Variants in SDK1 observed in about 807,000 individuals in gnomAD.
The protein encoded by SDK1 is sidekick cell adhesion molecule 1.
SDK1 carries 157 observed loss-of-function variants against 245.5 expected under a neutral mutation model. The ratio of observed to expected loss-of-function variants is 0.64; its 90% CI spans 0.56 to 0.73. The LOEUF is 0.73. SDK1 is among the 30% of genes least tolerant of loss of function. The pLI is 0.00. For missense variants in SDK1, 3,583 were observed against 3,002.3 expected (o/e 1.19, Z -4.52); for synonymous variants, 1,647 against 1,278.5 (o/e 1.29, Z -6.15).
chr7:4,209,393 C>G (rs1364479686), intron 37 of SDK1, among the ~76,000 whole-genome samples: 1 of 152,208 alleles, frequency 6.6e-6, no homozygotes, highest in Non-Finnish European at 1.5e-5. Flanking sequence ...AGCCCCAGTA[C>G]ACGCCCACCT....
intron 1 of SDK1, among the ~76,000 whole-genome samples, chr7:3,552,430 C>G (rs1426364612): frequency 1.3e-5 from 2 of 152,192 alleles, no homozygotes; most frequent in South Asian, 4.1e-4. Context: ...CTCAGCCACT[C>G]TTTTTGCCAG....
intron 1 of SDK1, among the ~76,000 whole-genome samples, chr7:3,473,683 T>A (rs1024547157): frequency 3.8e-4 from 58 of 152,188 alleles, no homozygotes; most frequent in African/African-American, 1.4e-3. Context: ...AATTATTTTT[T>A]TTTTTCCATT....
intron 1 of SDK1, among the ~76,000 whole-genome samples, chr7:3,524,122 T>C (rs1783037125): frequency 1.3e-5 from 2 of 151,972 alleles, no homozygotes. Context: ...AGGAAGGGAG[T>C]TAACTAAGTG....
At chr7:4,182,845 C>G (rs150959067) in intron 35 of SDK1, among the ~76,000 whole-genome samples, 1 of 152,156 alleles carries the variant, frequency 6.6e-6, no homozygotes, top group South Asian at 2.1e-4. Context: ...TGCCAGGAGC[C>G]GGGGTTCACA....
intron 25 of SDK1, among the ~76,000 whole-genome samples, chr7:4,120,161 C>G (rs993039394): frequency 1.3e-5 from 2 of 148,204 alleles, no homozygotes; most frequent in African/African-American, 4.9e-5. Context: ...TGAGATCTAC[C>G]ACATAGCTAA....
chr7:4,183,642 A>G (rs1476492657), intron 35 of SDK1, among the ~76,000 whole-genome samples: 1 of 133,860 alleles, frequency 7.5e-6, no homozygotes, highest in African/African-American at 3.0e-5. Flanking sequence ...CTCCGTCTCA[A>G]AAAAAAAAAA....
chr7:3,625,717 C>T (rs1383860606), intron 2 of SDK1, among the ~76,000 whole-genome samples: 2 of 152,118 alleles, frequency 1.3e-5, no homozygotes, highest in African/African-American at 4.8e-5. Flanking sequence ...TGGTTATTAG[C>T]CTTCATTTCT....
intron 16 of SDK1, 49 bp downstream of exon 16, chr7:4,012,284 G>C (rs374313852): frequency 7.0e-7 from 1 of 1,430,690 alleles, no homozygotes. Flanking sequence ...AGAGTTGAGC[G>C]TCGATTTCAC....
chr7:3,644,582 A>G (rs1032786215), intron 4 of SDK1, among the ~76,000 whole-genome samples: 3 of 151,260 alleles, frequency 2.0e-5, no homozygotes, highest in Admixed American at 6.6e-5. Flanking sequence ...TGGGCAACAT[A>G]CTGAAACCTT....
intron 1 of SDK1, among the ~76,000 whole-genome samples, chr7:3,386,985 A>G (rs1313877055): frequency 1.3e-5 from 2 of 152,182 alleles, no homozygotes; most frequent in East Asian, 1.9e-4. Flanking sequence ...CTTTAGAGCT[A>G]TGGCACATTC....
chr7:3,758,146 A>C (rs192587779), intron 4 of SDK1, among the ~76,000 whole-genome samples: 70 of 152,306 alleles, frequency 4.6e-4, no homozygotes, highest in African/African-American at 1.6e-3. Context: ...TCGTGGGCAT[A>C]TGTTAAAACC....
rs1271015937 is a variant in SDK1 at position 4,132,260 on chromosome 7, G to A, written c.4130-65G>A. 6.1e-6 allele frequency: 8 copies of A among 1,311,290 alleles called. No individual in the cohort carries two copies. In the South Asian group the frequency reaches 6.2e-5, roughly 10 times the overall value. The allele number at this position is 1,311,290 out of a possible 1,614,324, so 81.2% of individuals were successfully genotyped here. On this transcript the variant is annotated intron_variant, in intron 27 of 44. Coordinates refer to ENST00000404826, the MANE Select transcript of SDK1 (RefSeq NM_152744.4). ...AGCCAGCTGACCCTCGGAATCCTGTGTAACCTGTCACGCACCCAAGGAACA... is the reference window on the plus strand; with the variant it reads ...AGCCAGCTGACCCTCGGAATCCTGTATAACCTGTCACGCACCCAAGGAACA...
chr7:4,070,545 C>T (rs1455794708), intron 20 of SDK1, among the ~76,000 whole-genome samples: 2 of 152,126 alleles, frequency 1.3e-5, no homozygotes, highest in Non-Finnish European at 2.9e-5. Context: ...CTACAGTGAC[C>T]TCTTTCTACA....
Position 4,207,134 on chromosome 7 carries a change from A to G in SDK1, c.5215-965A>G, listed in dbSNP as rs548491683. On this transcript the variant is annotated intron_variant, in intron 36 of 44. Transcript: ENST00000404826. ...CACTACATCCTGCAGGTGGAAATGA[A>G]CGATGCTCACCAGTCAGGGCCTGCC... is the stretch of plus-strand genomic sequence containing the variant. Among the ~76,000 whole-genome samples the G allele has an allele frequency of 3.9e-5, 6 of 152,356 alleles. No individual in the cohort carries two copies. In the South Asian group the frequency reaches 1.2e-3, roughly 32 times the overall value.
intron 11 of SDK1, among the ~76,000 whole-genome samples, chr7:3,970,806 A>G (rs1322721485): frequency 1.3e-5 from 2 of 152,196 alleles, no homozygotes; most frequent in East Asian, 3.8e-4. Flanking sequence ...TGGACTCACC[A>G]TTAGCAGAGG....
intron 1 of SDK1, among the ~76,000 whole-genome samples, chr7:3,447,528 A>C (rs890901046): frequency 2.6e-5 from 4 of 152,132 alleles, no homozygotes; most frequent in Non-Finnish European, 4.4e-5. Flanking sequence ...CTTCTAGGAC[A>C]GTATGTATAG....
intron 5 of SDK1, among the ~76,000 whole-genome samples, chr7:3,906,832 G>A (rs1454591240): frequency 6.6e-6 from 1 of 152,042 alleles, no homozygotes. Flanking sequence ...GTTTCACCAT[G>A]TTGCCTAGGC....
chr7:3,796,993 C>CTTTCTTTCTTTCTTTCTTTTT (rs753185721), intron 4 of SDK1, among the ~76,000 whole-genome samples: 25 of 145,374 alleles, frequency 1.7e-4, no homozygotes, highest in Admixed American at 6.8e-4. Flanking sequence ...TTTTCTTTTT[C>CTTTCTTTCTTTCTTTCTTTTT]TTTCTTTCTT....
intron 5 of SDK1, among the ~76,000 whole-genome samples, chr7:3,914,013 C>A (rs539176631): frequency 1.3e-5 from 2 of 152,236 alleles, no homozygotes; most frequent in African/African-American, 2.4e-5. Context: ...AAGCTTCTTG[C>A]CCTATTATAA....
Sources: allele counts gnomAD v4.1 joint callset (sites outside exome capture counted in the v4.1 genomes callset), GRCh38; gene constraint gnomAD v4.1.1; transcripts MANE v1.5; gene names NCBI Gene and HGNC (gene_info 2026-07-23, HGNC 2026-07-21).